Variants in NCAM1 observed in about 807,000 individuals in gnomAD.
The protein encoded by NCAM1 is antigen recognized by monoclonal antibody 5.1H11.
A neutral mutation model predicts 109.8 loss-of-function variants in NCAM1; 14 were observed. The observed-to-expected ratio is 0.13, with a 90% CI of 0.08 to 0.20. The LOEUF is 0.20. Ranked by LOEUF, NCAM1 falls within the 10% of genes least tolerant of loss-of-function variation. NCAM1 has a pLI of 1.00. For synonymous variants in NCAM1, 418 were observed against 442.9 expected (o/e 0.94, Z 0.70); for missense variants, 774 against 1,109.9 (o/e 0.70, Z 4.30).
chr11:113,040,582 T>C lies in NCAM1; in HGVS notation c.52+78918T>C, dbSNP rs148402106. Among the ~76,000 whole-genome samples the C allele has an allele frequency of 3.6e-3, 556 of 152,344 alleles. 1 individual carries two copies. The highest frequency in any genetic ancestry group is 6.1e-3 in the Non-Finnish European group (417 of 68,032). On this transcript the variant is annotated intron_variant, in intron 1 of 19. Coordinates refer to ENST00000316851, the MANE Select transcript of NCAM1 (RefSeq NM_181351.5). ...AATTTGACTTGCATGCTGTAGTTTG[T>C]CTACCCTGTTCTTAACTTTAAAATA...
intron 1 of NCAM1, among the ~76,000 whole-genome samples, chr11:113,039,765 A>G (rs1245361541): frequency 2.0e-5 from 3 of 152,214 alleles, no homozygotes; most frequent in African/African-American, 7.2e-5. Context: ...AAAAATAGAA[A>G]TAGCTGAAAC....
intron 16 of NCAM1, among the ~76,000 whole-genome samples, chr11:113,259,860 C>T (rs782278848): frequency 2.6e-5 from 4 of 151,954 alleles, no homozygotes; most frequent in Non-Finnish European, 5.9e-5. Flanking sequence ...TGTGGCACCA[C>T]GCCCAGCTAA....
At chr11:113,210,433 A>G (rs1048777383) in intron 7 of NCAM1, among the ~76,000 whole-genome samples, 1 of 152,174 alleles carries the variant, frequency 6.6e-6, no homozygotes, top group African/African-American at 2.4e-5. Context: ...ATGGTTGTTA[A>G]TTCCAGGAAA....
chr11:113,206,720 T>G (rs868961294), intron 5 of NCAM1, among the ~76,000 whole-genome samples: 1 of 152,258 alleles, frequency 6.6e-6, no homozygotes, highest in Admixed American at 6.5e-5. Context: ...TATTGACACA[T>G]ATTTTTTTTG....
chr11:113,012,371 A>G (rs1952091747), intron 1 of NCAM1, among the ~76,000 whole-genome samples: 2 of 152,260 alleles, frequency 1.3e-5, no homozygotes, highest in Admixed American at 6.5e-5. Flanking sequence ...AAATTTGAAT[A>G]TAGGTTGTAC....
intron 1 of NCAM1, among the ~76,000 whole-genome samples, chr11:112,964,989 T>C (rs1351506599): frequency 6.6e-6 from 1 of 151,380 alleles, no homozygotes; most frequent in Non-Finnish European, 1.5e-5. Flanking sequence ...TTAACTGTTT[T>C]CTTAAGTTAA....
At chr11:113,051,642 G>A (rs1953496245) in intron 1 of NCAM1, among the ~76,000 whole-genome samples, 1 of 151,886 alleles carries the variant, frequency 6.6e-6, no homozygotes, top group South Asian at 2.1e-4. Context: ...AAACTATTTT[G>A]TAACATTTTG....
At chr11:113,015,939 A>G (rs1337221899) in intron 1 of NCAM1, among the ~76,000 whole-genome samples, 1 of 152,130 alleles carries the variant, frequency 6.6e-6, no homozygotes, top group Non-Finnish European at 1.5e-5. Context: ...AGATGAGAGA[A>G]CTTAGCTTCA....
rs1282191139 is a variant in NCAM1 at position 113,116,843 on chromosome 11, A to C, written c.53-85536A>C. On this transcript the variant is annotated intron_variant, in intron 1 of 19. Coordinates refer to ENST00000316851, the MANE Select transcript of NCAM1 (RefSeq NM_181351.5). ...TTTTGGGAAAGGGTCCAAAGAGTAG[A>C]ATAAGATCTAGTATTATGACTGTAA... Among the ~76,000 whole-genome samples, 12 of 151,882 alleles carry C rather than the reference A, an allele frequency of 7.9e-5. 1 individual carries two copies. The highest frequency in any genetic ancestry group is 2.0e-4 in the Admixed American group (3 of 15,250).
In NCAM1 at chr11:113,233,284, G is replaced by T. The variant is rs782314579; in HGVS notation, c.1660G>T (p.Val554Leu). ...TGAGTGGAGAGCAGTTGGTGAAGAA[G>T]TATGGCATTCCAAGTGGTATGATGC... ...KAEWRAVGEE[V>L]WHSKWYDAKE... The change falls in exon 13 of 20, where the codon GTA becomes TTA. Residue 554 changes from valine to leucine, a missense_variant. Physicochemically the swap from Val to Leu is conservative, Grantham distance 32 (BLOSUM62 1). Coordinates refer to ENST00000316851, the MANE Select transcript of NCAM1 (RefSeq NM_181351.5). The surrounding 1 kb of genome is among the most constrained non-coding windows in gnomAD (Gnocchi z 4.5). 8.1e-6 allele frequency: 13 copies of T among 1,613,572 alleles called. No homozygotes were observed. In the Admixed American group the frequency reaches 2.0e-4, roughly 25 times the overall value.
chr11:112,978,341 A>C (rs782726799), intron 1 of NCAM1, among the ~76,000 whole-genome samples: 1 of 151,824 alleles, frequency 6.6e-6, no homozygotes, highest in Non-Finnish European at 1.5e-5. Flanking sequence ...AAAATACGTG[A>C]TTCGGTTAAT....
intron 1 of NCAM1, among the ~76,000 whole-genome samples, chr11:113,017,819 A>G (rs1467545809): frequency 6.6e-6 from 1 of 152,222 alleles, no homozygotes; most frequent in Non-Finnish European, 1.5e-5. Context: ...TCATATCAGT[A>G]TATTGAAAAG....
At chr11:113,062,223 C>A (rs1937693158) in intron 1 of NCAM1, among the ~76,000 whole-genome samples, 1 of 152,170 alleles carries the variant, frequency 6.6e-6, no homozygotes, top group Non-Finnish European at 1.5e-5. Context: ...CAGAAGGAAA[C>A]CTTGTACCCA....
At chr11:113,056,758 G>A (rs1555082657) in intron 1 of NCAM1, among the ~76,000 whole-genome samples, 1 of 152,112 alleles carries the variant, frequency 6.6e-6, no homozygotes, top group African/African-American at 2.4e-5. Flanking sequence ...CAGTTTGCGA[G>A]ACCCTGAAAC....
At chr11:113,260,028 G>C (rs1425379982) in intron 16 of NCAM1, 118 bp from the exon 17 acceptor site, 2 of 905,114 alleles carry the variant, frequency 2.2e-6, no homozygotes, top group East Asian at 5.6e-5. Flanking sequence ...TTATTTTCAT[G>C]ATTTCATGCC....
At chr11:113,260,379 G>T in intron 17 of NCAM1, 56 bp downstream of exon 17, 1 of 1,557,268 alleles carries the variant, frequency 6.4e-7, no homozygotes, top group Non-Finnish European at 8.7e-7. Context: ...CACAAGTGCT[G>T]CACCTCCTAA....
At chr11:113,023,496 A>G (rs1191073239) in intron 1 of NCAM1, among the ~76,000 whole-genome samples, 1 of 152,216 alleles carries the variant, frequency 6.6e-6, no homozygotes, top group Admixed American at 6.5e-5. Flanking sequence ...TTCAATGACC[A>G]TCTCCAGGAA....
At chr11:113,028,526 A>C (rs201958338) in intron 1 of NCAM1, among the ~76,000 whole-genome samples, 1 of 47,688 alleles carries the variant, frequency 2.1e-5, no homozygotes, top group African/African-American at 6.6e-5. Flanking sequence ...TGTTTCCTAG[A>C]AAGTTGTCTC....
chr11:113,263,180 T>C, intron 17 of NCAM1: 1 of 1,151,556 alleles, frequency 8.7e-7, no homozygotes, highest in Non-Finnish European at 1.1e-6. Context: ...AGCTCTTTCT[T>C]TAAATGCTAT....
Sources: gnomAD v4.1 joint callset for allele counts (sites outside exome capture counted in the v4.1 genomes callset) on GRCh38, gnomAD v4.1.1 for gene constraint, Gnocchi (gnomAD v3.1) non-coding constraint, MANE v1.5 for transcripts, NCBI Gene and HGNC (gene_info 2026-07-23, HGNC 2026-07-21) for gene names.